The following TENT4A variants were observed in gnomAD, a reference collection of about 807,000 sequenced individuals.
TENT4A encodes terminal nucleotidyltransferase 4A, also known as DNA polymerase kappa.
In TENT4A, 7 loss-of-function variants were observed where a neutral mutation model predicts 72.8. The ratio of observed to expected loss-of-function variants is 0.10; its 90% CI spans 0.05 to 0.18. The LOEUF is 0.18. Ranked by LOEUF, TENT4A falls within the 10% of genes least tolerant of loss-of-function variation. The pLI, the probability that TENT4A is intolerant of heterozygous loss-of-function variation, is 1.00. For synonymous variants in TENT4A, 456 were observed against 434.3 expected (o/e 1.05, Z -0.62); for missense variants, 831 against 1,017.7 (o/e 0.82, Z 2.50).
At chr5:6,716,435 T>C (rs1740392787) in intron 1 of TENT4A, among the ~76,000 whole-genome samples, 1 of 152,218 alleles carries the variant, frequency 6.6e-6, no homozygotes, top group Non-Finnish European at 1.5e-5. Context: ...CGTTTGGCCC[T>C]TTTAATCTCT....
intron 1 of TENT4A, among the ~76,000 whole-genome samples, chr5:6,724,368 A>G (rs1444757179): frequency 2.0e-5 from 3 of 152,246 alleles, no homozygotes; most frequent in Admixed American, 2.0e-4. Context: ...ATGGAAGGAC[A>G]ACGATGAAAT....
In TENT4A at chr5:6,755,047, G is replaced by C; in HGVS notation, c.*102G>C. 9.5e-7 allele frequency: 1 copy of C among 1,056,894 alleles called. No individual in the cohort carries two copies. Among genetic ancestry groups the C allele is most frequent in the South Asian group, 1.9e-5 (1 of 51,348 alleles). 65.5% of individuals were successfully genotyped at this position (1,056,894 alleles called of 1,614,324 possible). ...GACCAGCACCCCGCACGTCAGCCGG[G>C]CTCGCGGCACGCCCGCCGCTGATCA... On this transcript the variant is annotated 3_prime_UTR_variant, in exon 13 of 13. Coordinates refer to ENST00000230859, the MANE Select transcript of TENT4A (RefSeq NM_006999.6).
chr5:6,746,439 C>T lies in TENT4A; in HGVS notation c.1459+12C>T. 2 of 1,613,160 alleles carry T rather than the reference C, an allele frequency of 1.2e-6. No individual in the cohort carries two copies. Among genetic ancestry groups the T allele is most frequent in the East Asian group, 4.5e-5 (2 of 44,878 alleles). ...CCCCCTGCTGCCAGGTAAGGGCGCC[C>T]TGATCTCCACTGCTGAGAGCTGGGC... is the stretch of plus-strand genomic sequence containing the variant. On this transcript the variant is annotated intron_variant, in intron 7 of 12. Transcript: ENST00000230859.
intron 1 of TENT4A, among the ~76,000 whole-genome samples, chr5:6,731,855 A>C (rs988086930): frequency 2.0e-5 from 3 of 152,206 alleles, no homozygotes; most frequent in African/African-American, 7.2e-5. Context: ...TGTCCTAGAC[A>C]AGCCCATAGT....
intron 1 of TENT4A, among the ~76,000 whole-genome samples, chr5:6,716,158 G>C (rs1340932914): frequency 6.6e-6 from 1 of 152,142 alleles, no homozygotes; most frequent in Admixed American, 6.5e-5. Context: ...TGGGCTCCCC[G>C]AGCTGTTTCC....
In TENT4A at chr5:6,748,404, C is replaced by T. The variant is rs188022482; in HGVS notation, c.1460-60C>T. ...TCAGAGTCACTTGTATGAGAAGATC[C>T]AAAACATGTGGACGATGGTGTGCAT... On this transcript the variant is annotated intron_variant, in intron 7 of 12. Coordinates refer to ENST00000230859, the MANE Select transcript of TENT4A (RefSeq NM_006999.6). The T allele has an allele frequency of 3.2e-5, 51 of 1,596,866 alleles. No homozygotes were observed. The Admixed American group carries it at 4.9e-4, about 15-fold the overall frequency.
intron 1 of TENT4A, among the ~76,000 whole-genome samples, chr5:6,720,335 C>G (rs995212876): frequency 5.3e-5 from 8 of 152,094 alleles, no homozygotes; most frequent in Admixed American, 5.2e-4. Context: ...GGGTAGACTT[C>G]CCCTGGCATA....
intron 12 of TENT4A, 81 bp from the exon 13 acceptor site, chr5:6,754,670 G>A (rs1742592015): frequency 2.6e-6 from 3 of 1,135,438 alleles, no homozygotes; most frequent in Admixed American, 5.1e-5. Flanking sequence ...TCACGTCGGT[G>A]CTTAGTGTGG....
chr5:6,715,398 G>A (rs893669152), intron 1 of TENT4A, among the ~76,000 whole-genome samples: 1 of 152,216 alleles, frequency 6.6e-6, no homozygotes, highest in African/African-American at 2.4e-5. Flanking sequence ...AGACGGCAAG[G>A]AATGAAACGA....
intron 1 of TENT4A, among the ~76,000 whole-genome samples, chr5:6,726,702 C>T (rs73033386): frequency 0.02 from 2,997 of 152,234 alleles, 68 homozygotes; most frequent in African/African-American, 0.058. Context: ...AACCCACGTG[C>T]GTTGCCTGTC....
chr5:6,738,816 A>T, intron 3 of TENT4A, 87 bp downstream of exon 3: 1 of 1,000,710 alleles, frequency 1.0e-6, no homozygotes, highest in Non-Finnish European at 1.6e-6. Flanking sequence ...ATTCTTTGTA[A>T]TTGAGTCTAA....
In TENT4A at chr5:6,713,958, G is replaced by A; in HGVS notation, c.-26G>A. 2 of 941,974 alleles carry A rather than the reference G, an allele frequency of 2.1e-6. No homozygotes were observed. The highest frequency in any genetic ancestry group is 2.5e-6 in the Non-Finnish European group (2 of 793,490). The allele number at this position is 941,974 out of a possible 1,614,324, so 58.4% of individuals were successfully genotyped here. ...GGGCCGCGTCGGGGCGGGCGGGCGC[G>A]CGGGCCCCGCGGGGGCGGCGCGTGG... is the stretch of plus-strand genomic sequence containing the variant. On this transcript the variant is annotated 5_prime_UTR_variant, in exon 1 of 13. Coordinates refer to ENST00000230859, the MANE Select transcript of TENT4A (RefSeq NM_006999.6).
chr5:6,733,223 T>C (rs1486942153), intron 1 of TENT4A, among the ~76,000 whole-genome samples: 1 of 152,236 alleles, frequency 6.6e-6, no homozygotes, highest in Non-Finnish European at 1.5e-5. Flanking sequence ...AGAAGCCTCC[T>C]GGGAAAGCCC....
chr5:6,714,190 C>T lies in TENT4A; in HGVS notation c.207C>T (p.Pro69=). 1 of 959,846 alleles carries T rather than the reference C, an allele frequency of 1.0e-6. No individual in the cohort carries two copies. Among genetic ancestry groups the T allele is most frequent in the Non-Finnish European group, 1.2e-6 (1 of 812,190 alleles). 59.5% of individuals were successfully genotyped at this position (959,846 alleles called of 1,614,324 possible). The change falls in exon 1 of 13, where the codon CCC becomes CCT. Residue 69 remains proline (P), a synonymous_variant. Coordinates refer to ENST00000230859, the MANE Select transcript of TENT4A (RefSeq NM_006999.6). ...RGSGGLGPAL[P]AASPPPPGPT... ...GTGGCGGCCTGGGCCCCGCGCTGCC[C>T]GCCGCGTCGCCCCCGCCGCCCGGCC...
intron 1 of TENT4A, among the ~76,000 whole-genome samples, chr5:6,736,884 G>A (rs1419652678): frequency 6.6e-6 from 1 of 152,258 alleles, no homozygotes; most frequent in Non-Finnish European, 1.5e-5. Flanking sequence ...CTTGAGTATT[G>A]AATTCGATCA....
At position 6,756,431 on chromosome 5, in the gene TENT4A, T is replaced by A. The variant is rs373447716; in HGVS notation, c.*1486T>A. On this transcript the variant is annotated 3_prime_UTR_variant, in exon 13 of 13. Coordinates refer to ENST00000230859, the MANE Select transcript of TENT4A (RefSeq NM_006999.6). ...GGAGAATGTCAAGACAAGATACTTA[T>A]TACCATGACATCTGATGCATGTGCA... 1 of 152,548 alleles carries A rather than the reference T, an allele frequency of 6.6e-6. No individual in the cohort carries two copies. Among genetic ancestry groups the A allele is most frequent in the Non-Finnish European group, 1.5e-5 (1 of 68,030 alleles). 9.4% of individuals were successfully genotyped at this position (152,548 alleles called of 1,614,324 possible).
Position 6,744,744 on chromosome 5 carries a change from C to G in TENT4A, c.1245+904C>G, listed in dbSNP as rs188775091. Among the ~76,000 whole-genome samples the G allele has an allele frequency of 7.2e-5, 11 of 152,348 alleles. No homozygotes were observed. In the East Asian group the frequency reaches 2.1e-3, roughly 29 times the overall value. On this transcript the variant is annotated intron_variant, in intron 6 of 12. Transcript: ENST00000230859. ...TACAGTTCTAGTCACACTGTCCTGT[C>G]TTCACTTTCCCCTCTGAGATGTGGC...
At chr5:6,726,752 C>T (rs1740942082) in intron 1 of TENT4A, among the ~76,000 whole-genome samples, 1 of 152,136 alleles carries the variant, frequency 6.6e-6, no homozygotes, top group African/African-American at 2.4e-5. Flanking sequence ...AGAGGTGAGA[C>T]CCAGTCCCCA....
chr5:6,722,642 C>CTCTTGATGTA (rs1174219817), intron 1 of TENT4A, among the ~76,000 whole-genome samples: 2 of 147,982 alleles, frequency 1.4e-5, no homozygotes. Flanking sequence ...GGCAAGGGTA[C>CTCTTGATGTA]TCTTGATGTA....
Sources: allele counts gnomAD v4.1 joint callset (sites outside exome capture counted in the v4.1 genomes callset), GRCh38; gene constraint gnomAD v4.1.1; transcripts MANE v1.5; gene names NCBI Gene and HGNC (gene_info 2026-07-23, HGNC 2026-07-21).